SDC2: variants seen among roughly 807,000 people sequenced by gnomAD.
The protein encoded by SDC2 is syndecan 2.
SDC2 carries 13 observed loss-of-function variants against 22.2 expected under a neutral mutation model. That is an observed-to-expected ratio of 0.59 (90% CI 0.38 to 0.93). SDC2 has a LOEUF of 0.93. Among genes scored for constraint, SDC2 ranks in the 40% least tolerant of loss-of-function variants. The probability of loss-of-function intolerance (pLI) is 0.00; values close to 1 mark genes in which losing one functional copy is unlikely to be tolerated. For missense variants in SDC2, 235 were observed against 246.8 expected (o/e 0.95, Z 0.32); for synonymous variants, 94 against 92.8 (o/e 1.01, Z -0.07).
At chr8:96,545,272 G>A (rs1407858623) in intron 1 of SDC2, among the ~76,000 whole-genome samples, 1 of 152,120 alleles carries the variant, frequency 6.6e-6, no homozygotes. Flanking sequence ...TGTAACCTTC[G>A]GTTTTTAAAA....
intron 1 of SDC2, among the ~76,000 whole-genome samples, chr8:96,495,982 C>CAGCA (rs1813068503): frequency 6.6e-6 from 1 of 152,214 alleles, no homozygotes; most frequent in South Asian, 2.1e-4. Context: ...CACCAAAAGG[C>CAGCA]AGCAGTTCTC....
Position 96,494,326 on chromosome 8 carries a change from G to C in SDC2, c.55G>C (p.Glu19Gln), listed in dbSNP as rs1246336472. The change falls in exon 1 of 5, where the codon GAG becomes CAG. Residue 19 changes from glutamate to glutamine, a missense_variant. Glu to Gln is a conservative substitution (Grantham distance 29). Coordinates refer to ENST00000302190, the MANE Select transcript of SDC2 (RefSeq NM_002998.4). ...GGGCTTGGTGGCCTGCGTGTCGGCG[G>C]AGTCGGTGAGTGGGCCAGGCGGAGG... The part of the protein sequence containing the change: ...TLGLVACVSA[E>Q]SRAELTSDKD... The C allele has an allele frequency of 1.9e-6, 3 of 1,542,522 alleles. No homozygotes were observed. The highest frequency in any genetic ancestry group is 2.6e-6 in the Non-Finnish European group (3 of 1,148,520).
chr8:96,503,269 T>C (rs542812790), intron 1 of SDC2, among the ~76,000 whole-genome samples: 125 of 152,276 alleles, frequency 8.2e-4, no homozygotes, highest in African/African-American at 2.7e-3. Context: ...CTCTTACTTA[T>C]AATAGTTAAA....
At position 96,493,994 on chromosome 8, in the gene SDC2, G is replaced by A. The variant is rs1423820814; in HGVS notation, c.-278G>A. ...AGCAGAGCAAGAAGAGCTTCAGAGA[G>A]CAGCCTTCCCGGAGCACCAACTCCG... On this transcript the variant is annotated 5_prime_UTR_variant, in exon 1 of 5. Coordinates refer to ENST00000302190, the MANE Select transcript of SDC2 (RefSeq NM_002998.4). The A allele has an allele frequency of 1.9e-6, 1 of 515,472 alleles. No individual in the cohort carries two copies. The highest frequency in any genetic ancestry group is 3.9e-5 in the Admixed American group (1 of 25,326). The allele number at this position is 515,472 out of a possible 1,614,324, so 31.9% of individuals were successfully genotyped here.
At chr8:96,536,141 C>CA (rs1813750804) in intron 1 of SDC2, among the ~76,000 whole-genome samples, 1 of 142,544 alleles carries the variant, frequency 7.0e-6, no homozygotes, top group Middle Eastern at 3.6e-3. Context: ...CCTAGCTTTT[C>CA]TTTTTTTTTT....
chr8:96,553,163 A>G (rs1172669053), intron 1 of SDC2, among the ~76,000 whole-genome samples: 1 of 152,208 alleles, frequency 6.6e-6, no homozygotes, highest in Non-Finnish European at 1.5e-5. Flanking sequence ...TTTAAAATAG[A>G]AATGTGTCTG....
intron 1 of SDC2, among the ~76,000 whole-genome samples, chr8:96,496,712 A>G (rs1253776662): frequency 1.3e-5 from 2 of 152,226 alleles, no homozygotes; most frequent in Non-Finnish European, 1.5e-5. Context: ...TCTCCCTTTA[A>G]AGGAAGAAAG....
rs115216413 is a variant in SDC2, at chr8:96,566,024, G to A, written c.61-27456G>A. On this transcript the variant is annotated intron_variant, in intron 1 of 4. Transcript: ENST00000302190. ...TGTGATCTTGGGGAGGACCTTAGATGAAGTCCTTTTCCCATCTGTAAAATG... is the reference window on the plus strand; with the variant it reads ...TGTGATCTTGGGGAGGACCTTAGATAAAGTCCTTTTCCCATCTGTAAAATG... 1.1e-3 allele frequency among the ~76,000 whole-genome samples: 173 copies of A among 152,108 alleles called. 2 individuals carry two copies. Among genetic ancestry groups the A allele is most frequent in the African/African-American group, 3.9e-3 (162 of 41,500 alleles).
At chr8:96,503,692 A>G (rs964235723) in intron 1 of SDC2, among the ~76,000 whole-genome samples, 5 of 152,200 alleles carry the variant, frequency 3.3e-5, no homozygotes, top group African/African-American at 1.2e-4. Context: ...TCTTTGTATT[A>G]TTTCTTACAC....
intron 1 of SDC2, among the ~76,000 whole-genome samples, chr8:96,532,276 A>G (rs902526395): frequency 3.3e-5 from 5 of 152,156 alleles, no homozygotes; most frequent in Admixed American, 3.3e-4. Context: ...GGGGGCCTCC[A>G]GGTATAAACA....
At chr8:96,576,390 TTTTACCA>T (rs1814500472) in intron 1 of SDC2, among the ~76,000 whole-genome samples, 1 of 100,306 alleles carries the variant, frequency 1.0e-5, no homozygotes, top group African/African-American at 4.0e-5. Context: ...TTTTGTTTTT[TTTTACCA>T]GATTTGCTTT....
intron 1 of SDC2, among the ~76,000 whole-genome samples, chr8:96,534,964 T>C (rs182766069): frequency 1.3e-5 from 2 of 152,114 alleles, no homozygotes; most frequent in Admixed American, 1.3e-4. Context: ...GATAAAATAT[T>C]GGGCACCCAG....
At chr8:96,587,304 T>C (rs528997135) in intron 1 of SDC2, among the ~76,000 whole-genome samples, 1 of 152,218 alleles carries the variant, frequency 6.6e-6, no homozygotes, top group Admixed American at 6.5e-5. Context: ...TGATTTTGGC[T>C]TTTTTCCATG....
intron 1 of SDC2, among the ~76,000 whole-genome samples, chr8:96,585,280 AATTATTTTG>A (rs1195537505): frequency 7.2e-5 from 11 of 152,332 alleles, no homozygotes; most frequent in African/African-American, 2.4e-4. Context: ...TTGTCTCTGT[AATTATTTTG>A]ATTAAAAATG....
At chr8:96,555,511 G>A (rs1814094872) in intron 1 of SDC2, among the ~76,000 whole-genome samples, 1 of 152,136 alleles carries the variant, frequency 6.6e-6, no homozygotes, top group Non-Finnish European at 1.5e-5. Flanking sequence ...CATGATTCAA[G>A]TAGTTGCTGG....
rs771396875 is a variant in SDC2 at position 96,609,563 on chromosome 8, G to A, written c.*15G>A. On this transcript the variant is annotated 3_prime_UTR_variant, in exon 5 of 5. Transcript: ENST00000302190. ...TTTATGCGTAAAACTCCAACTTAGT[G>A]TCTCTATTTATGAGATCACTGAACT... is the stretch of plus-strand genomic sequence containing the variant. 9.6e-6 allele frequency: 15 copies of A among 1,564,242 alleles called. No individual in the cohort carries two copies. In the African/African-American group the frequency reaches 1.5e-4, roughly 16 times the overall value.
chr8:96,589,857 G>GC (rs564578349), intron 1 of SDC2, among the ~76,000 whole-genome samples: 9 of 152,314 alleles, frequency 5.9e-5, no homozygotes, highest in Non-Finnish European at 1.0e-4. Context: ...AGGTCAGGAG[G>GC]CCTTAGTCCA....
At chr8:96,548,757 T>C (rs1397151870) in intron 1 of SDC2, among the ~76,000 whole-genome samples, 1 of 152,210 alleles carries the variant, frequency 6.6e-6, no homozygotes, top group Non-Finnish European at 1.5e-5. Flanking sequence ...AGTCTTCTGT[T>C]TAAACTCCCA....
At chr8:96,593,734 T>G (rs1270978702) in intron 2 of SDC2, 143 bp downstream of exon 2, 4 of 594,816 alleles carry the variant, frequency 6.7e-6, no homozygotes, top group Non-Finnish European at 1.2e-5. Context: ...TGGGTGCTAA[T>G]TCTAGCTCTC....
Sources: gnomAD v4.1 joint callset for allele counts (sites outside exome capture counted in the v4.1 genomes callset) on GRCh38, gnomAD v4.1.1 for gene constraint, MANE v1.5 for transcripts, NCBI Gene and HGNC (gene_info 2026-07-23, HGNC 2026-07-21) for gene names.